The following EPC2 variants were observed in gnomAD, a reference collection of about 807,000 sequenced individuals.
EPC2 encodes the protein enhancer of polycomb homolog 2.
Under a neutral mutation model 92.1 loss-of-function variants are expected in EPC2, and 14 were observed. That is an observed-to-expected ratio of 0.15 (90% CI 0.10 to 0.24). The LOEUF (loss-of-function observed/expected upper bound fraction) is 0.24, where lower values mean the gene tolerates loss of function less well. EPC2 is among the 10% of genes least tolerant of loss of function. The pLI is 1.00. For synonymous variants in EPC2, 340 were observed against 334.7 expected (o/e 1.02, Z -0.17); for missense variants, 755 against 971.5 (o/e 0.78, Z 2.96).
At position 148,659,873 on chromosome 2, in the gene EPC2, A is replaced by T. The variant is rs539583734; in HGVS notation, c.153+14703A>T. On this transcript the variant is annotated intron_variant, in intron 1 of 13. Coordinates refer to ENST00000258484, the MANE Select transcript of EPC2 (RefSeq NM_015630.4). ...ATTCTGTAGAGTAATAAAACAGTAC[A>T]GATGGTCGTTGGAAAGGTACTCAGC... Among the ~76,000 whole-genome samples, 3 of 152,302 alleles carry T rather than the reference A, an allele frequency of 2.0e-5. No individual in the cohort carries two copies. The South Asian group carries it at 6.2e-4, about 32-fold the overall frequency.
chr2:148,699,196 A>T (rs943225973), intron 2 of EPC2, among the ~76,000 whole-genome samples: 1 of 152,184 alleles, frequency 6.6e-6, no homozygotes, highest in Admixed American at 6.5e-5. Flanking sequence ...ACGATTTTAG[A>T]TTTACAAAAA....
intron 2 of EPC2, among the ~76,000 whole-genome samples, chr2:148,720,890 C>T (rs538395593): frequency 6.6e-6 from 1 of 152,310 alleles, no homozygotes; most frequent in East Asian, 1.9e-4. Flanking sequence ...TTTCGTTCCT[C>T]TCCATGAGCG....
At chr2:148,738,875 A>C (rs1230867885) in intron 2 of EPC2, among the ~76,000 whole-genome samples, 1 of 152,188 alleles carries the variant, frequency 6.6e-6, no homozygotes. Flanking sequence ...TGGACATTCT[A>C]TTATTTAACC....
At chr2:148,676,068 A>G (rs1435053155) in intron 1 of EPC2, among the ~76,000 whole-genome samples, 3 of 152,040 alleles carry the variant, frequency 2.0e-5, no homozygotes, top group East Asian at 1.9e-4. Flanking sequence ...CAACAATAAC[A>G]TACTACTTCT....
At chr2:148,653,152 A>G (rs1022053856) in intron 1 of EPC2, among the ~76,000 whole-genome samples, 1 of 152,240 alleles carries the variant, frequency 6.6e-6, no homozygotes, top group African/African-American at 2.4e-5. Context: ...CAGGATAGCA[A>G]TCCAGGTACT....
intron 2 of EPC2, among the ~76,000 whole-genome samples, chr2:148,733,771 T>C (rs1682694758): frequency 6.6e-6 from 1 of 152,032 alleles, no homozygotes; most frequent in Admixed American, 6.6e-5. Flanking sequence ...ATTACAGCCG[T>C]GAGCCACCGT....
At chr2:148,668,966 C>A (rs1193196841) in intron 1 of EPC2, among the ~76,000 whole-genome samples, 1 of 152,010 alleles carries the variant, frequency 6.6e-6, no homozygotes, top group South Asian at 2.1e-4. Context: ...AATGCTGAAA[C>A]CTTTTTCTAT....
chr2:148,697,608 A>G (rs1453146101), intron 2 of EPC2, among the ~76,000 whole-genome samples: 2 of 152,212 alleles, frequency 1.3e-5, no homozygotes, highest in African/African-American at 2.4e-5. Context: ...CTAAGATTCA[A>G]CTTTTAAAAG....
At position 148,734,582 on chromosome 2, in the gene EPC2, A is replaced by G. The variant is rs571861021; in HGVS notation, c.314-9040A>G. ...TAGGGTATAGTAATGGAGTTCAGTA[A>G]TAATAATTGCTTGCCTTTATTGAAC... On this transcript the variant is annotated intron_variant, in intron 2 of 13. Coordinates refer to ENST00000258484, the MANE Select transcript of EPC2 (RefSeq NM_015630.4). Among the ~76,000 whole-genome samples, 48 of 152,270 alleles carry G rather than the reference A, an allele frequency of 3.2e-4. No homozygotes were observed. The Middle Eastern group carries it at 0.014, about 43-fold the overall frequency.
rs114631261 is a variant in EPC2, at chr2:148,690,523, G to T, written c.313+150G>T. On this transcript the variant is annotated intron_variant, in intron 2 of 13. Coordinates refer to ENST00000258484, the MANE Select transcript of EPC2 (RefSeq NM_015630.4). Reference sequence around the variant, plus strand: ...ACATTAAAGAATAAAATCCCTCTGTGCTTACATCTGAATTTGGAAATCATT... The same window carrying T: ...ACATTAAAGAATAAAATCCCTCTGTTCTTACATCTGAATTTGGAAATCATT... 804 of 715,902 alleles carry T rather than the reference G, an allele frequency of 1.1e-3. 4 individuals are homozygous for T. In the African/African-American group the frequency reaches 0.013, roughly 11 times the overall value. 44.3% of individuals were successfully genotyped at this position (715,902 alleles called of 1,614,324 possible).
intron 4 of EPC2, among the ~76,000 whole-genome samples, chr2:148,760,891 T>G (rs1419399684): frequency 6.6e-6 from 1 of 152,210 alleles, no homozygotes; most frequent in East Asian, 1.9e-4. Flanking sequence ...CATTTCAGAT[T>G]ATTAAATCAA....
At chr2:148,730,680 G>A (rs1021300509) in intron 2 of EPC2, among the ~76,000 whole-genome samples, 1 of 152,166 alleles carries the variant, frequency 6.6e-6, no homozygotes, top group Non-Finnish European at 1.5e-5. Flanking sequence ...GGGCATCTGA[G>A]TCTGTCAGAT....
chr2:148,731,644 C>T (rs1453351391), intron 2 of EPC2, among the ~76,000 whole-genome samples: 5 of 152,120 alleles, frequency 3.3e-5, no homozygotes, highest in African/African-American at 1.2e-4. Flanking sequence ...TCAGGTGATC[C>T]GCCTGCCTCA....
At chr2:148,741,843 A>T (rs760352883) in intron 2 of EPC2, among the ~76,000 whole-genome samples, 1 of 152,100 alleles carries the variant, frequency 6.6e-6, no homozygotes, top group African/African-American at 2.4e-5. Flanking sequence ...CCATCTGTGA[A>T]CCCCTCCTTT....
rs931787809 is a variant in EPC2, at chr2:148,786,811, A to C, written c.*434A>C. 6.5e-6 allele frequency: 1 copy of C among 152,936 alleles called. No individual in the cohort carries two copies. Among genetic ancestry groups the C allele is most frequent in the Non-Finnish European group, 1.5e-5 (1 of 68,248 alleles). The allele number at this position is 152,936 out of a possible 1,614,324, so 9.5% of individuals were successfully genotyped here. ...GTTAAAGATTCATAGCTAGGAAATG[A>C]AATTCTTGTAATTTTTTTCTAAAGG... On this transcript the variant is annotated 3_prime_UTR_variant, in exon 14 of 14. Transcript: ENST00000258484.
intron 2 of EPC2, among the ~76,000 whole-genome samples, chr2:148,713,680 C>T (rs141680826): frequency 6.6e-6 from 1 of 152,082 alleles, no homozygotes; most frequent in African/African-American, 2.4e-5. Flanking sequence ...TCTTTTATAC[C>T]ATAGTTCTAC....
At chr2:148,734,073 C>T (rs1193548182) in intron 2 of EPC2, among the ~76,000 whole-genome samples, 2 of 152,042 alleles carry the variant, frequency 1.3e-5, no homozygotes, top group African/African-American at 4.8e-5. Context: ...GTCCCCATGC[C>T]TGGTTGTTTA....
At chr2:148,645,335 C>T (rs942793389) in intron 1 of EPC2, 165 bp downstream of exon 1, 12 of 598,616 alleles carry the variant, frequency 2.0e-5, no homozygotes, top group Non-Finnish European at 2.6e-5. Context: ...TCTCGGCCGG[C>T]GTAGCGCCCG....
intron 1 of EPC2, among the ~76,000 whole-genome samples, chr2:148,655,024 A>G (rs1321779219): frequency 6.6e-6 from 1 of 152,226 alleles, no homozygotes; most frequent in African/African-American, 2.4e-5. Flanking sequence ...TTGGATGAAC[A>G]CTTTTGTTTG....
Sources: gnomAD v4.1 joint callset for allele counts (sites outside exome capture counted in the v4.1 genomes callset) on GRCh38, gnomAD v4.1.1 for gene constraint, MANE v1.5 for transcripts, NCBI Gene and HGNC (gene_info 2026-07-23, HGNC 2026-07-21) for gene names.